The following WWOX variants were observed in gnomAD, a reference collection of about 807,000 sequenced individuals.
The protein encoded by WWOX is WW domain-containing oxidoreductase.
Under a neutral mutation model 46.2 loss-of-function variants are expected in WWOX, and 69 were observed. The ratio of observed to expected loss-of-function variants is 1.49; its 90% CI spans 1.23 to 1.82. The LOEUF is 1.82. Among genes scored for constraint, WWOX ranks in the 40% most tolerant of loss-of-function variants. WWOX has a pLI of 0.00. For synonymous variants in WWOX, 359 were observed against 202.6 expected (o/e 1.77, Z -6.56); for missense variants, 919 against 542.6 (o/e 1.69, Z -6.89).
At chr16:79,152,085 A>C (rs980824661) in intron 8 of WWOX, among the ~76,000 whole-genome samples, 1 of 152,182 alleles carries the variant, frequency 6.6e-6, no homozygotes, top group Non-Finnish European at 1.5e-5. Context: ...ATTTCCTCTA[A>C]TACTATTGAG....
Position 79,049,146 on chromosome 16 carries a change from C to T in WWOX, c.1057-162462C>T, listed in dbSNP as rs550617228. On this transcript the variant is annotated intron_variant, in intron 8 of 8. Transcript: ENST00000566780. The stretch of plus-strand genomic sequence containing the variant: ...TAGCAAATATTTTAGACTTTGTGAC[C>T]CATACAGTCACCATCACAACTATTC... 9.2e-5 allele frequency among the ~76,000 whole-genome samples: 14 copies of T among 152,282 alleles called. No homozygotes were observed. In the South Asian group the frequency reaches 2.7e-3, roughly 29 times the overall value.
intron 8 of WWOX, among the ~76,000 whole-genome samples, chr16:78,542,792 C>T (rs941763889): frequency 1.3e-5 from 2 of 152,174 alleles, no homozygotes; most frequent in Admixed American, 1.3e-4. Flanking sequence ...GCTCCAAGTG[C>T]TTTCGTTTCC....
intron 8 of WWOX, among the ~76,000 whole-genome samples, chr16:78,608,394 G>T (rs1322243532): frequency 6.6e-6 from 1 of 152,156 alleles, no homozygotes; most frequent in African/African-American, 2.4e-5. Context: ...TCCCCCAAAT[G>T]CCTGTGCTAC....
At chr16:78,179,821 C>G (rs1489240683) in intron 5 of WWOX, 2 of 152,218 alleles carry the variant, frequency 1.3e-5, no homozygotes, top group Non-Finnish European at 2.9e-5. Flanking sequence ...CCTTGCTTGT[C>G]TTGTTCCTCT....
At chr16:79,040,718 A>G (rs907913207) in intron 8 of WWOX, among the ~76,000 whole-genome samples, 1 of 152,044 alleles carries the variant, frequency 6.6e-6, no homozygotes, top group African/African-American at 2.4e-5. Flanking sequence ...TCATTGGGAT[A>G]ACTAGAACCA....
At chr16:79,169,934 C>G (rs767921486) in intron 8 of WWOX, among the ~76,000 whole-genome samples, 1 of 152,152 alleles carries the variant, frequency 6.6e-6, no homozygotes. Context: ...GATGGCCATG[C>G]ACAGTGGCTC....
At chr16:78,708,879 A>G (rs2048379723) in intron 8 of WWOX, among the ~76,000 whole-genome samples, 1 of 152,240 alleles carries the variant, frequency 6.6e-6, no homozygotes, top group African/African-American at 2.4e-5. Context: ...CCTCAGTATA[A>G]GCTGGTTGTT....
intron 8 of WWOX, among the ~76,000 whole-genome samples, chr16:79,157,590 G>A (rs896142702): frequency 2.0e-5 from 3 of 152,156 alleles, no homozygotes; most frequent in African/African-American, 4.8e-5. Context: ...GATGAAACTG[G>A]CTATCTGGAG....
intron 8 of WWOX, among the ~76,000 whole-genome samples, chr16:78,786,816 G>A (rs1342263381): frequency 6.6e-6 from 1 of 152,160 alleles, no homozygotes; most frequent in South Asian, 2.1e-4. Context: ...ATGCTTTATG[G>A]ATTTTTAAAT....
At chr16:78,722,305 C>T (rs181562054) in intron 8 of WWOX, among the ~76,000 whole-genome samples, 1 of 152,170 alleles carries the variant, frequency 6.6e-6, no homozygotes, top group Non-Finnish European at 1.5e-5. Context: ...TGACTTTGAG[C>T]ATCTTTACTC....
chr16:78,236,434 C>CTTT (rs1567447625), intron 5 of WWOX, among the ~76,000 whole-genome samples: 1 of 152,136 alleles, frequency 6.6e-6, no homozygotes, highest in African/African-American at 2.4e-5. Context: ...TTGACAGACA[C>CTTT]ATTAAGAGCT....
intron 8 of WWOX, among the ~76,000 whole-genome samples, chr16:79,047,916 C>A (rs2048096140): frequency 6.6e-6 from 1 of 152,142 alleles, no homozygotes; most frequent in African/African-American, 2.4e-5. Flanking sequence ...AACCAGAATA[C>A]ACCCGAGCAA....
chr16:78,945,377 A>G (rs947884360), intron 8 of WWOX, among the ~76,000 whole-genome samples: 7 of 152,188 alleles, frequency 4.6e-5, no homozygotes, highest in African/African-American at 7.2e-5. Context: ...TTGTCTTTAT[A>G]ATTGTGAAAT....
At chr16:78,885,683 TC>T (rs1246176607) in intron 8 of WWOX, among the ~76,000 whole-genome samples, 2 of 152,260 alleles carry the variant, frequency 1.3e-5, no homozygotes, top group Admixed American at 1.3e-4. Context: ...TTTTGCAGTT[TC>T]CATAGGGATA....
At chr16:78,554,102 A>G (rs2044233896) in intron 8 of WWOX, among the ~76,000 whole-genome samples, 1 of 152,162 alleles carries the variant, frequency 6.6e-6, no homozygotes, top group Admixed American at 6.5e-5. Flanking sequence ...AGGCTAAACC[A>G]TGTGGCACCC....
chr16:78,973,328 C>A (rs1415286973), intron 8 of WWOX, among the ~76,000 whole-genome samples: 1 of 152,084 alleles, frequency 6.6e-6, no homozygotes, highest in South Asian at 2.1e-4. Flanking sequence ...GTGGAGACAG[C>A]CGGGTAGACT....
At chr16:78,855,175 T>C (rs1169163257) in intron 8 of WWOX, among the ~76,000 whole-genome samples, 1 of 152,128 alleles carries the variant, frequency 6.6e-6, no homozygotes, top group African/African-American at 2.4e-5. Context: ...GGAGAAGAGT[T>C]TGAAAAATAG....
intron 5 of WWOX, among the ~76,000 whole-genome samples, chr16:78,275,013 C>A (rs1784637530): frequency 6.6e-6 from 1 of 152,154 alleles, no homozygotes; most frequent in African/African-American, 2.4e-5. Flanking sequence ...TGATGTGAAT[C>A]AGTTCAGTTC....
chr16:79,054,883 G>T lies in WWOX; in HGVS notation c.1057-156725G>T, dbSNP rs564871830. Reference sequence around the variant, plus strand: ...GCAGAAAATTAACTGAAGAAATTGTGTTATAAAAGGCAGTGTTTTAAGTTC... The same window carrying T: ...GCAGAAAATTAACTGAAGAAATTGTTTTATAAAAGGCAGTGTTTTAAGTTC... On this transcript the variant is annotated intron_variant, in intron 8 of 8. Coordinates refer to ENST00000566780, the MANE Select transcript of WWOX (RefSeq NM_016373.4). Among the ~76,000 whole-genome samples the T allele has an allele frequency of 1.3e-4, 20 of 152,264 alleles. No homozygotes were observed. In the South Asian group the frequency reaches 4.1e-3, roughly 32 times the overall value.
Sources: gnomAD v4.1 joint callset for allele counts (sites outside exome capture counted in the v4.1 genomes callset) on GRCh38, gnomAD v4.1.1 for gene constraint, MANE v1.5 for transcripts, NCBI Gene and HGNC (gene_info 2026-07-23, HGNC 2026-07-21) for gene names.